The following PIGU variants were observed in gnomAD, a reference collection of about 807,000 sequenced individuals.
PIGU encodes phosphatidylinositol glycan anchor biosynthesis class U.
In PIGU, 24 loss-of-function variants were observed where a neutral mutation model predicts 49.9. The observed-to-expected ratio is 0.48, with a 90% CI of 0.35 to 0.68. PIGU has a LOEUF of 0.68. PIGU is among the 30% of genes least tolerant of loss of function. The pLI is 0.01. For synonymous variants in PIGU, 220 were observed against 205.7 expected (o/e 1.07, Z -0.59); for missense variants, 490 against 532.6 (o/e 0.92, Z 0.79).
chr20:34,565,832 A>G (rs1214705352), intron 11 of PIGU, among the ~76,000 whole-genome samples: 2 of 89,396 alleles, frequency 2.2e-5, no homozygotes, highest in Non-Finnish European at 4.4e-5. Flanking sequence ...CTCGCACTGC[A>G]CTCACACACA....
chr20:34,651,638 C>T (rs1986544443), intron 2 of PIGU, among the ~76,000 whole-genome samples: 1 of 152,116 alleles, frequency 6.6e-6, no homozygotes, highest in African/African-American at 2.4e-5. Flanking sequence ...AAGGGAAGTG[C>T]ATGACCTGGT....
Position 34,585,421 on chromosome 20 carries a change from A to T in PIGU, c.926+16T>A, listed in dbSNP as rs779068461. On this transcript the variant is annotated intron_variant, in intron 9 of 11. Transcript: ENST00000217446. Reference sequence around the variant, plus strand: ...ACAGCTCTGTACACACAGCAGCAGCAGGTCCAGCCACTTACTTTAGCTTTA... The same window carrying T: ...ACAGCTCTGTACACACAGCAGCAGCTGGTCCAGCCACTTACTTTAGCTTTA... 3.1e-6 allele frequency: 5 copies of T among 1,613,534 alleles called. No individual in the cohort carries two copies. The highest frequency in any genetic ancestry group is 2.5e-6 in the Non-Finnish European group (3 of 1,179,562).
chr20:34,580,850 AC>A (rs148575829), intron 10 of PIGU, among the ~76,000 whole-genome samples: 2,325 of 152,266 alleles, frequency 0.015, 64 homozygotes, highest in African/African-American at 0.053. Context: ...ATAGGTCACC[AC>A]TAAGCCACCT....
In PIGU at chr20:34,560,846, C is replaced by A; in HGVS notation, c.*20G>T. ...GCCCCACAGCCCCCTGAGGTCCATG[C>A]AGCCCTGTGCCAGCCAGGCCTACTT... is the stretch of plus-strand genomic sequence containing the variant. On this transcript the variant is annotated 3_prime_UTR_variant, in exon 12 of 12. Coordinates refer to ENST00000217446, the MANE Select transcript of PIGU (RefSeq NM_080476.5). The A allele has an allele frequency of 4.5e-6, 7 of 1,541,384 alleles. No individual in the cohort carries two copies. Among genetic ancestry groups the A allele is most frequent in the Non-Finnish European group, 6.2e-6 (7 of 1,124,496 alleles).
intron 11 of PIGU, 146 bp downstream of exon 11, chr20:34,574,958 A>T: frequency 9.3e-7 from 1 of 1,075,098 alleles, no homozygotes; most frequent in South Asian, 1.5e-5. Flanking sequence ...CCCCGTCCTC[A>T]CTGACTGGGA....
chr20:34,676,348 C>A (rs1987496974), intron 1 of PIGU, among the ~76,000 whole-genome samples: 1 of 152,194 alleles, frequency 6.6e-6, no homozygotes, highest in Non-Finnish European at 1.5e-5. Context: ...ATTTGTCTCC[C>A]TCACTAGCCT....
In PIGU at chr20:34,676,988, T is replaced by A; in HGVS notation, c.98A>T (p.Glu33Val). Residue 33 changes from glutamate (E) to valine (V), a missense_variant, in exon 1 of 12, where the codon GAG (glutamate) becomes GTG (valine). Transcript: ENST00000217446. ...SLAEFISERV[E>V]VVSPLSSWKR... Reference sequence around the variant, plus strand: ...CCAAGAGCTCAGTGGGGACACCACCTCCACCCGCTCGGAAATGAACTCGGC... The same window carrying A: ...CCAAGAGCTCAGTGGGGACACCACCACCACCCGCTCGGAAATGAACTCGGC... 6.3e-7 allele frequency: 1 copy of A among 1,581,032 alleles called. No homozygotes were observed. Among genetic ancestry groups the A allele is most frequent in the Non-Finnish European group, 8.6e-7 (1 of 1,164,642 alleles).
intron 4 of PIGU, among the ~76,000 whole-genome samples, chr20:34,639,738 C>G (rs969313149): frequency 6.6e-6 from 1 of 152,176 alleles, no homozygotes; most frequent in African/African-American, 2.4e-5. Flanking sequence ...AAACCTGCAA[C>G]AAACTTCAAA....
At chr20:34,672,855 TCAAAAAAAA>T (rs1378018715) in intron 1 of PIGU, among the ~76,000 whole-genome samples, 5 of 95,302 alleles carry the variant, frequency 5.2e-5, no homozygotes, top group Non-Finnish European at 1.0e-4. Flanking sequence ...ACCCTGTCTC[TCAAAAAAAA>T]AAAAAAAAAA....
intron 6 of PIGU, among the ~76,000 whole-genome samples, chr20:34,621,887 C>A (rs1215314163): frequency 6.6e-6 from 1 of 152,118 alleles, no homozygotes; most frequent in Non-Finnish European, 1.5e-5. Context: ...GAGGAAAGTA[C>A]AAAGGAAGCA....
chr20:34,658,145 G>A (rs1006504771), intron 1 of PIGU, among the ~76,000 whole-genome samples: 15 of 152,350 alleles, frequency 9.8e-5, no homozygotes, highest in African/African-American at 3.1e-4. Context: ...GGCGCGCGCC[G>A]CCACGCCTGA....
chr20:34,588,699 T>C (rs1983809607), intron 7 of PIGU, 92 bp from the exon 8 acceptor site: 2 of 1,213,740 alleles, frequency 1.6e-6, no homozygotes, highest in Non-Finnish European at 2.3e-6. Flanking sequence ...CGCAAAACCA[T>C]ACTATGATAC....
chr20:34,566,445 G>T (rs1387340620), intron 11 of PIGU, among the ~76,000 whole-genome samples: 2 of 152,206 alleles, frequency 1.3e-5, no homozygotes, highest in Non-Finnish European at 2.9e-5. Context: ...CTGGGACCAT[G>T]ATGAAGAGCT....
At chr20:34,628,958 C>T (rs1000872806) in intron 6 of PIGU, among the ~76,000 whole-genome samples, 1 of 152,002 alleles carries the variant, frequency 6.6e-6, no homozygotes, top group Admixed American at 6.6e-5. Context: ...TATAACTTTG[C>T]CGTGCCTTCC....
intron 10 of PIGU, among the ~76,000 whole-genome samples, chr20:34,576,955 C>T (rs1983260147): frequency 6.6e-6 from 1 of 152,120 alleles, no homozygotes; most frequent in Non-Finnish European, 1.5e-5. Flanking sequence ...GTCCCTTTGC[C>T]ATGTAAGGCG....
chr20:34,573,445 AG>A (rs1983095562), intron 11 of PIGU, among the ~76,000 whole-genome samples: 1 of 152,216 alleles, frequency 6.6e-6, no homozygotes, highest in African/African-American at 2.4e-5. Context: ...TCTCTCAGAA[AG>A]GCAGCCACAG....
At chr20:34,656,958 G>A (rs1304430013) in intron 2 of PIGU, among the ~76,000 whole-genome samples, 2 of 152,170 alleles carry the variant, frequency 1.3e-5, no homozygotes, top group African/African-American at 4.8e-5. Flanking sequence ...AACTTCTACA[G>A]AAGCCTCATC....
intron 1 of PIGU, among the ~76,000 whole-genome samples, chr20:34,664,622 T>C (rs1442757847): frequency 1.3e-5 from 2 of 151,932 alleles, no homozygotes; most frequent in Non-Finnish European, 2.9e-5. Context: ...GAGACAAGAT[T>C]GTGCCATTGC....
At chr20:34,675,161 T>A (rs1987457173) in intron 1 of PIGU, among the ~76,000 whole-genome samples, 1 of 148,538 alleles carries the variant, frequency 6.7e-6, no homozygotes, top group Non-Finnish European at 1.5e-5. Flanking sequence ...GGCAGAAGAA[T>A]TGCTTGAACC....
Sources: gnomAD v4.1 joint callset for allele counts (sites outside exome capture counted in the v4.1 genomes callset) on GRCh38, gnomAD v4.1.1 for gene constraint, MANE v1.5 for transcripts, NCBI Gene and HGNC (gene_info 2026-07-23, HGNC 2026-07-21) for gene names.